CAB39: variants seen among roughly 807,000 people sequenced by gnomAD.
The protein encoded by CAB39 is calcium-binding protein 39.
In CAB39, 8 loss-of-function variants were observed where a neutral mutation model predicts 40.0. The ratio of observed to expected loss-of-function variants is 0.20; its 90% CI spans 0.12 to 0.36. The LOEUF (loss-of-function observed/expected upper bound fraction) is 0.36. Among genes scored for constraint, CAB39 ranks in the 10% least tolerant of loss-of-function variants. The pLI is 1.00. For missense variants in CAB39, 270 were observed against 401.1 expected (o/e 0.67, Z 2.79); for synonymous variants, 156 against 141.6 (o/e 1.10, Z -0.72).
At chr2:230,785,480 A>G (rs537114182) in intron 2 of CAB39, among the ~76,000 whole-genome samples, 150 of 152,026 alleles carry the variant, frequency 9.9e-4, no homozygotes, top group African/African-American at 3.2e-3. Flanking sequence ...ATAGGAAGAA[A>G]TTAGGTGAGG....
chr2:230,722,864 GA>G (rs1261315063), intron 1 of CAB39, among the ~76,000 whole-genome samples: 1 of 152,138 alleles, frequency 6.6e-6, no homozygotes, highest in Non-Finnish European at 1.5e-5. Flanking sequence ...TCAGCCCTCT[GA>G]AATAGTAAGT....
chr2:230,738,962 G>A (rs1694831351), intron 1 of CAB39, among the ~76,000 whole-genome samples: 1 of 152,150 alleles, frequency 6.6e-6, no homozygotes, highest in South Asian at 2.1e-4. Flanking sequence ...TAGAACCATA[G>A]CATTTCCAAT....
At chr2:230,800,975 T>A (rs1480988139) in intron 5 of CAB39, among the ~76,000 whole-genome samples, 1 of 151,940 alleles carries the variant, frequency 6.6e-6, no homozygotes, top group African/African-American at 2.4e-5. Context: ...AGAGGGAGAC[T>A]GGGCAGCCAG....
At position 230,755,925 on chromosome 2, in the gene CAB39, G is replaced by A. The variant is rs189078780; in HGVS notation, c.-43-4034G>A. On this transcript the variant is annotated intron_variant, in intron 1 of 8. Transcript: ENST00000258418. ...CCAACTTGGGCATCTCCATACTCTA[G>A]GGATTGTCAGTTTCAAAACTCAGAC... 6.6e-5 allele frequency among the ~76,000 whole-genome samples: 10 copies of A among 152,276 alleles called. 1 individual carries two copies. The East Asian group carries it at 1.9e-3, about 29-fold the overall frequency.
chr2:230,737,020 A>G (rs1387750392), intron 1 of CAB39, among the ~76,000 whole-genome samples: 3 of 152,218 alleles, frequency 2.0e-5, no homozygotes, highest in Admixed American at 2.0e-4. Context: ...TCTGCCTTTC[A>G]AAACTTAACC....
chr2:230,731,932 A>G (rs1174954512), intron 1 of CAB39, among the ~76,000 whole-genome samples: 13 of 152,202 alleles, frequency 8.5e-5, no homozygotes, highest in Admixed American at 8.5e-4. Flanking sequence ...AAATGTTCCA[A>G]CAAGTCCAGT....
intron 1 of CAB39, among the ~76,000 whole-genome samples, chr2:230,747,398 T>C (rs981767905): frequency 2.0e-5 from 3 of 152,244 alleles, no homozygotes; most frequent in Non-Finnish European, 4.4e-5. Flanking sequence ...GCATTGCCCA[T>C]GGAACTGTTT....
chr2:230,774,597 G>C (rs1012160145), intron 2 of CAB39, among the ~76,000 whole-genome samples: 20 of 152,150 alleles, frequency 1.3e-4, no homozygotes, highest in Admixed American at 1.2e-3. Flanking sequence ...GCCTTGCTCA[G>C]CTTATAGGTG....
At chr2:230,759,530 C>T (rs1441515312) in intron 1 of CAB39, among the ~76,000 whole-genome samples, 1 of 152,160 alleles carries the variant, frequency 6.6e-6, no homozygotes, top group African/African-American at 2.4e-5. Context: ...TTGAGCCTCA[C>T]GCTCAACCTT....
chr2:230,790,712 A>T (rs1345916548), intron 2 of CAB39, among the ~76,000 whole-genome samples, 160 bp from the exon 3 acceptor site: 2 of 152,220 alleles, frequency 1.3e-5, no homozygotes, highest in African/African-American at 2.4e-5. Flanking sequence ...CATAGCGCCC[A>T]GCTCCTGAGG....
intron 1 of CAB39, among the ~76,000 whole-genome samples, chr2:230,758,514 C>T (rs976357348): frequency 1.3e-5 from 2 of 152,144 alleles, no homozygotes; most frequent in South Asian, 2.1e-4. Flanking sequence ...GTAGGCTTGA[C>T]ATTAGCATTC....
At chr2:230,721,591 A>G (rs74428281) in intron 1 of CAB39, among the ~76,000 whole-genome samples, 4,468 of 152,346 alleles carry the variant, frequency 0.029, 73 homozygotes, top group Non-Finnish European at 0.045. Context: ...CTTTTCGCAG[A>G]TAAGTTCCAC....
At chr2:230,800,749 G>A (rs1483567289) in intron 5 of CAB39, among the ~76,000 whole-genome samples, 1 of 152,162 alleles carries the variant, frequency 6.6e-6, no homozygotes, top group Non-Finnish European at 1.5e-5. Context: ...TCAGGATGTG[G>A]TTGACATGCT....
chr2:230,738,829 A>G (rs1694829355), intron 1 of CAB39, among the ~76,000 whole-genome samples: 1 of 152,218 alleles, frequency 6.6e-6, no homozygotes, highest in African/African-American at 2.4e-5. Context: ...TTTACATCTG[A>G]TGCTGTAGAA....
intron 2 of CAB39, among the ~76,000 whole-genome samples, chr2:230,787,837 T>C (rs1198374016): frequency 2.0e-5 from 3 of 152,138 alleles, no homozygotes; most frequent in Non-Finnish European, 4.4e-5. Flanking sequence ...TCAAGAGATT[T>C]ATGTGGAAGA....
intron 2 of CAB39, among the ~76,000 whole-genome samples, chr2:230,771,042 A>G (rs1695474087): frequency 6.6e-6 from 1 of 152,226 alleles, no homozygotes; most frequent in South Asian, 2.1e-4. Flanking sequence ...GTTCTAGCCT[A>G]TGCAGTCAGG....
At chr2:230,791,490 A>T (rs1053224382) in intron 3 of CAB39, among the ~76,000 whole-genome samples, 1 of 152,190 alleles carries the variant, frequency 6.6e-6, no homozygotes, top group East Asian at 1.9e-4. Flanking sequence ...CAGAGACCAT[A>T]TGTGTTTTGT....
intron 1 of CAB39, among the ~76,000 whole-genome samples, chr2:230,715,594 G>C (rs1200110616): frequency 6.6e-6 from 1 of 152,168 alleles, no homozygotes; most frequent in Non-Finnish European, 1.5e-5. Context: ...ATCCATATAG[G>C]TTAACTATTT....
Position 230,819,480 on chromosome 2 carries a change from A to G in CAB39, c.*776A>G, listed in dbSNP as rs1200077196. ...CTGCTTCAAGGTTTCTTTTGTATAT[A>G]ATTCTTAGAATGCTCATTTCTTTTA... On this transcript the variant is annotated 3_prime_UTR_variant, in exon 9 of 9. Coordinates refer to ENST00000258418, the MANE Select transcript of CAB39 (RefSeq NM_016289.4). The G allele has an allele frequency of 6.6e-6, 1 of 152,648 alleles. No individual in the cohort carries two copies. The highest frequency in any genetic ancestry group is 1.5e-5 in the Non-Finnish European group (1 of 68,042). The allele number at this position is 152,648 out of a possible 1,614,324, so 9.5% of individuals were successfully genotyped here.
Sources: allele counts gnomAD v4.1 joint callset (sites outside exome capture counted in the v4.1 genomes callset), GRCh38; gene constraint gnomAD v4.1.1; transcripts MANE v1.5; gene names NCBI Gene and HGNC (gene_info 2026-07-23, HGNC 2026-07-21).